NRXN1: variants seen among roughly 807,000 people sequenced by gnomAD.
NRXN1 encodes the protein neurexin-1.
In NRXN1, 39 loss-of-function variants were observed where a neutral mutation model predicts 150.9. The ratio of observed to expected loss-of-function variants is 0.26; its 90% confidence interval spans 0.20 to 0.34. The LOEUF (loss-of-function observed/expected upper bound fraction) is 0.34, where lower values mean the gene tolerates loss of function less well. Among genes scored for constraint, NRXN1 ranks in the 10% least tolerant of loss-of-function variants. The pLI is 1.00. For synonymous variants in NRXN1, 924 were observed against 757.0 expected (o/e 1.22, Z -3.62); for missense variants, 1,815 against 1,949.9 (o/e 0.93, Z 1.30).
intron 9 of NRXN1, among the ~76,000 whole-genome samples, 181 bp downstream of exon 9, chr2:50,552,406 A>G (rs572380111): frequency 1.3e-5 from 2 of 152,330 alleles, no homozygotes; most frequent in African/African-American, 4.8e-5. Flanking sequence ...ATGCCCAACT[A>G]TGATAATTAA....
rs1670667892 is a variant in NRXN1, at chr2:51,027,359, GT to G, written c.772+142del. The G allele has an allele frequency of 5.0e-6, 4 of 804,170 alleles. No individual in the cohort carries two copies. In the East Asian group the frequency reaches 1.2e-4, roughly 24 times the overall value. 49.8% of individuals were successfully genotyped at this position (804,170 alleles called of 1,614,324 possible). On this transcript the variant is annotated intron_variant, in intron 2 of 22. Transcript: ENST00000401669. ...AGCTGTGGAGGTGGTAAGGTAGAGA[GT>G]CCCCCAGAAACAAGGTCCTTCCCTC...
intron 5 of NRXN1, among the ~76,000 whole-genome samples, chr2:50,763,471 T>C (rs1265719195): frequency 6.6e-6 from 1 of 151,982 alleles, no homozygotes; most frequent in African/African-American, 2.4e-5. Flanking sequence ...TAGTAAGAGC[T>C]TAATTAATAG....
intron 18 of NRXN1, among the ~76,000 whole-genome samples, chr2:50,232,709 T>C (rs1265437157): frequency 6.6e-6 from 1 of 152,060 alleles, no homozygotes; most frequent in Non-Finnish European, 1.5e-5. Context: ...TCATCACCAT[T>C]ATTATAAATC....
At chr2:50,135,080 C>T (rs1706185061) in intron 18 of NRXN1, among the ~76,000 whole-genome samples, 1 of 152,202 alleles carries the variant, frequency 6.6e-6, no homozygotes, top group South Asian at 2.1e-4. Flanking sequence ...CACAGCTTCT[C>T]TTTGCAATCC....
At chr2:50,166,793 A>T (rs1266742232) in intron 18 of NRXN1, among the ~76,000 whole-genome samples, 1 of 152,156 alleles carries the variant, frequency 6.6e-6, no homozygotes, top group Admixed American at 6.5e-5. Flanking sequence ...TCTTCTGAAG[A>T]ATTTTGAATC....
At chr2:50,228,801 C>G (rs537979841) in intron 18 of NRXN1, among the ~76,000 whole-genome samples, 1 of 151,970 alleles carries the variant, frequency 6.6e-6, no homozygotes, top group Non-Finnish European at 1.5e-5. Flanking sequence ...ACCATTAAAG[C>G]ATTTACTTAG....
rs183054538 is a variant in NRXN1, at chr2:50,752,069, G to C, written c.833-128454C>G. Among the ~76,000 whole-genome samples the C allele has an allele frequency of 2.5e-4, 38 of 152,070 alleles. 1 individual carries two copies. The South Asian group carries it at 7.7e-3, about 31-fold the overall frequency. On this transcript the variant is annotated intron_variant, in intron 5 of 22. Coordinates refer to ENST00000401669, the MANE Select transcript of NRXN1 (RefSeq NM_001330078.2). ...TATTAAGGTGTTATTTCACGTGCAG[G>C]CTGTTACAAATGTTGACTCAGGCTC...
At chr2:50,944,991 G>C (rs1201975783) in intron 2 of NRXN1, among the ~76,000 whole-genome samples, 1 of 152,142 alleles carries the variant, frequency 6.6e-6, no homozygotes, top group African/African-American at 2.4e-5. Context: ...TATAAACTCA[G>C]ACTGATGTAA....
chr2:50,063,206 G>A (rs1482426092), intron 19 of NRXN1, among the ~76,000 whole-genome samples: 3 of 152,098 alleles, frequency 2.0e-5, no homozygotes, highest in Non-Finnish European at 4.4e-5. Flanking sequence ...ATACCATAAT[G>A]CCTCACTTGG....
At chr2:50,388,100 T>C (rs2081442508) in intron 17 of NRXN1, among the ~76,000 whole-genome samples, 1 of 152,124 alleles carries the variant, frequency 6.6e-6, no homozygotes, top group Non-Finnish European at 1.5e-5. Context: ...ACATGCTGAG[T>C]AAACCATTTT....
At chr2:50,761,438 C>G (rs560237637) in intron 5 of NRXN1, among the ~76,000 whole-genome samples, 14 of 151,920 alleles carry the variant, frequency 9.2e-5, no homozygotes, top group Non-Finnish European at 1.9e-4. Flanking sequence ...CACACACTCT[C>G]TTGCCTGCTG....
At chr2:50,759,463 G>C (rs888003358) in intron 5 of NRXN1, among the ~76,000 whole-genome samples, 2 of 151,888 alleles carry the variant, frequency 1.3e-5, no homozygotes, top group African/African-American at 4.8e-5. Context: ...TACCATCTTG[G>C]TGTACGATCT....
chr2:50,955,853 T>C (rs757435941), intron 2 of NRXN1, among the ~76,000 whole-genome samples: 1 of 152,154 alleles, frequency 6.6e-6, no homozygotes, highest in East Asian at 1.9e-4. Flanking sequence ...AATTTATAAA[T>C]GAATAAATTA....
chr2:50,001,321 T>C (rs6706613), intron 21 of NRXN1, among the ~76,000 whole-genome samples: 128,079 of 152,168 alleles, frequency 0.84, 53,993 homozygotes, highest in Middle Eastern at 0.89. Flanking sequence ...CTGCTTACAT[T>C]GAAGACAATC....
intron 5 of NRXN1, among the ~76,000 whole-genome samples, chr2:50,828,745 C>G (rs1430106693): frequency 6.7e-6 from 1 of 149,112 alleles, no homozygotes; most frequent in East Asian, 2.1e-4. Context: ...ACTTTCCAGA[C>G]TGGGCAGCCA....
chr2:50,679,748 A>G (rs1690091311), intron 5 of NRXN1, among the ~76,000 whole-genome samples: 2 of 152,174 alleles, frequency 1.3e-5, no homozygotes, highest in African/African-American at 4.8e-5. Context: ...TTTGCCCTGA[A>G]TGACATGGTT....
intron 17 of NRXN1, among the ~76,000 whole-genome samples, chr2:50,293,480 A>G (rs1175457317): frequency 1.3e-5 from 2 of 152,132 alleles, no homozygotes; most frequent in Non-Finnish European, 2.9e-5. Context: ...AGCGGGGGAG[A>G]CAGGGATCTA....
At chr2:50,766,599 T>A (rs1425505569) in intron 5 of NRXN1, among the ~76,000 whole-genome samples, 1 of 152,162 alleles carries the variant, frequency 6.6e-6, no homozygotes, top group East Asian at 1.9e-4. Context: ...CAATGGTGTA[T>A]GCTGGGATTA....
In NRXN1 at chr2:50,712,811, A is replaced by G. The variant is rs548418746; in HGVS notation, c.833-89196T>C. Among the ~76,000 whole-genome samples the G allele has an allele frequency of 2.6e-4, 40 of 152,292 alleles. No individual in the cohort carries two copies. The South Asian group carries it at 6.6e-3, about 25-fold the overall frequency. ...TTCATCCCAGGGTGCCAACCTACTC[A>G]GCCAAAGATGACATTAACAGAGGAT... On this transcript the variant is annotated intron_variant, in intron 5 of 22. Coordinates refer to ENST00000401669, the MANE Select transcript of NRXN1 (RefSeq NM_001330078.2).
Sources: gnomAD v4.1 joint callset for allele counts (sites outside exome capture counted in the v4.1 genomes callset) on GRCh38, gnomAD v4.1.1 for gene constraint, MANE v1.5 for transcripts, NCBI Gene and HGNC (gene_info 2026-07-23, HGNC 2026-07-21) for gene names.